Variants in VPS53 observed in about 807,000 individuals in gnomAD.
VPS53 encodes the protein vacuolar protein sorting-associated protein 53 homolog.
A neutral mutation model predicts 107.0 loss-of-function variants in VPS53; 70 were observed. The observed-to-expected ratio is 0.65, with a 90% CI of 0.54 to 0.80. VPS53 has a LOEUF of 0.80. Ranked by LOEUF, VPS53 falls within the 30% of genes least tolerant of loss-of-function variation. The pLI, the probability that VPS53 is intolerant of heterozygous loss-of-function variation, is 0.00. For missense variants in VPS53, 917 were observed against 1,049.4 expected, an observed-to-expected ratio of 0.87 and a Z score of 1.74; for synonymous variants, 409 against 393.3, an observed-to-expected ratio of 1.04 and a Z score of -0.47.
intron 13 of VPS53, among the ~76,000 whole-genome samples, chr17:573,201 G>A (rs960487223): frequency 7.2e-5 from 11 of 152,196 alleles, no homozygotes; most frequent in African/African-American, 2.7e-4. Flanking sequence ...GCCATAGAAT[G>A]GGGTAAAGAA....
chr17:608,323 C>T (rs1597375573), intron 11 of VPS53, among the ~76,000 whole-genome samples: 1 of 152,196 alleles, frequency 6.6e-6, no homozygotes, highest in East Asian at 1.9e-4. Flanking sequence ...AAGAGGGAAG[C>T]TTGAAAAATA....
At chr17:642,484 G>A (rs1228834763) in intron 7 of VPS53, among the ~76,000 whole-genome samples, 1 of 151,390 alleles carries the variant, frequency 6.6e-6, no homozygotes, top group Non-Finnish European at 1.5e-5. Flanking sequence ...TGGAAACCGA[G>A]GACAACACTC....
chr17:519,910 T>G lies in VPS53; in HGVS notation c.2244A>C (p.Glu748Asp). The change falls in exon 21 of 22, where the codon GAA becomes GAC. Residue 748 changes from glutamate (E) to aspartate (D), a missense_variant. Physicochemically the swap from Glu to Asp is conservative, Grantham distance 45. Transcript: ENST00000437048. This position sits in a 1 kb window ranked among gnomAD's most constrained non-coding sequence, Gnocchi z 5.0. Reference sequence around the variant, plus strand: ...AGTTGTCAACAAACACCACCAACGGTTCATGAGGGGCCATCACTACCTACA... The same window carrying G: ...AGTTGTCAACAAACACCACCAACGGGTCATGAGGGGCCATCACTACCTACA... ...MILKVVMAPH[E>D]PLVVFVDNYI... The G allele has an allele frequency of 1.9e-6, 3 of 1,551,504 alleles. No individual in the cohort carries two copies. Among genetic ancestry groups the G allele is most frequent in the Non-Finnish European group, 2.6e-6 (3 of 1,146,926 alleles).
intron 11 of VPS53, among the ~76,000 whole-genome samples, chr17:612,392 ACAG>A (rs5818754): frequency 0.24 from 23,394 of 96,566 alleles, 5,728 homozygotes; most frequent in South Asian, 0.38. Context: ...ACAGATATTC[ACAG>A]CAGTATTCAA....
chr17:649,895 C>T (rs1481342068), intron 7 of VPS53, among the ~76,000 whole-genome samples: 6 of 152,196 alleles, frequency 3.9e-5, no homozygotes, highest in Admixed American at 2.6e-4. Context: ...AATTAAAAAG[C>T]TGGATTTTTA....
intron 12 of VPS53, among the ~76,000 whole-genome samples, chr17:601,260 C>G (rs1352953222): frequency 6.6e-6 from 1 of 152,184 alleles, no homozygotes; most frequent in African/African-American, 2.4e-5. Context: ...TAGACTTGGA[C>G]AGAAAAATCC....
At chr17:611,049 TTCC>T (rs1968847273) in intron 11 of VPS53, among the ~76,000 whole-genome samples, 1 of 152,056 alleles carries the variant, frequency 6.6e-6, no homozygotes, top group Non-Finnish European at 1.5e-5. Flanking sequence ...GAATAGACAT[TTCC>T]TTTTTTTTGA....
chr17:652,379 T>C (rs1051724444), intron 7 of VPS53, among the ~76,000 whole-genome samples: 1 of 152,184 alleles, frequency 6.6e-6, no homozygotes, highest in African/African-American at 2.4e-5. Context: ...TTGACATTCC[T>C]CCCGTTAGTG....
chr17:553,531 T>C lies in VPS53; in HGVS notation c.1705-69A>G. 4.9e-6 allele frequency: 6 copies of C among 1,216,802 alleles called. No homozygotes were observed. The South Asian group carries it at 7.6e-5, about 15-fold the overall frequency. 75.4% of individuals were successfully genotyped at this position (1,216,802 alleles called of 1,614,324 possible). A position where few individuals can be genotyped will look rare whatever the true frequency, so the allele number is the denominator to read the frequency against. On this transcript the variant is annotated intron_variant, in intron 15 of 21. Coordinates refer to ENST00000437048, the MANE Select transcript of VPS53 (RefSeq NM_001128159.3). ...CAAAGAAGTACCATCACAATAATAGTTAACATTTACTGCGTTTGATGATTC... is the reference window on the plus strand; with the variant it reads ...CAAAGAAGTACCATCACAATAATAGCTAACATTTACTGCGTTTGATGATTC...
intron 19 of VPS53, 55 bp from the exon 20 acceptor site, chr17:521,793 T>G: frequency 2.1e-6 from 3 of 1,408,514 alleles, no homozygotes; most frequent in Non-Finnish European, 2.8e-6. Context: ...CAGTGCCGAG[T>G]GGACTCATGC....
chr17:669,021 T>A (rs1971822417), intron 4 of VPS53, among the ~76,000 whole-genome samples: 2 of 152,154 alleles, frequency 1.3e-5, no homozygotes. Context: ...GTACTGAAGT[T>A]GGGGAAATGT....
chr17:690,361 G>A (rs1454630670), intron 4 of VPS53, among the ~76,000 whole-genome samples: 1 of 152,226 alleles, frequency 6.6e-6, no homozygotes, highest in Non-Finnish European at 1.5e-5. Flanking sequence ...GATGTGTTTT[G>A]TTTGCCCTTT....
chr17:573,562 C>G (rs1914357098), intron 13 of VPS53, among the ~76,000 whole-genome samples: 1 of 152,158 alleles, frequency 6.6e-6, no homozygotes, highest in Non-Finnish European at 1.5e-5. Context: ...ACATAGGAGT[C>G]CTGAAAAAGA....
chr17:626,654 G>A (rs891577992), intron 10 of VPS53, among the ~76,000 whole-genome samples: 1 of 152,166 alleles, frequency 6.6e-6, no homozygotes, highest in African/African-American at 2.4e-5. Flanking sequence ...TCCAGCCTGG[G>A]TGACAGAGTG....
chr17:662,751 G>GAGAAAGAAATAAAGAAAGAAAGAAAGAA (rs1971495661), intron 4 of VPS53, among the ~76,000 whole-genome samples: 1 of 79,908 alleles, frequency 1.3e-5, no homozygotes, highest in African/African-American at 3.3e-5. Flanking sequence ...GACAAAGAAA[G>GAGAAAGAAATAAAGAAAGAAAGAAAGAA]AGAAAGAAAG....
intron 7 of VPS53, among the ~76,000 whole-genome samples, chr17:652,335 TC>T (rs1379975103): frequency 1.3e-5 from 2 of 152,166 alleles, no homozygotes; most frequent in African/African-American, 4.8e-5. Context: ...CAGCAATCTA[TC>T]CCATCCCACA....
chr17:631,654 C>T (rs778918092), intron 7 of VPS53, 26 bp from the exon 8 acceptor site: 3 of 1,603,532 alleles, frequency 1.9e-6, no homozygotes, highest in South Asian at 2.2e-5. Flanking sequence ...AACATATCAT[C>T]ACCTGGCATC....
At chr17:560,635 A>G (rs2151850367) in intron 14 of VPS53, 62 bp from the exon 15 acceptor site, 1 of 1,572,730 alleles carries the variant, frequency 6.4e-7, no homozygotes, top group East Asian at 2.3e-5. Flanking sequence ...TGAACTGGAA[A>G]CTACATTATT....
At chr17:581,594 C>T (rs1395002242) in intron 13 of VPS53, among the ~76,000 whole-genome samples, 1 of 151,090 alleles carries the variant, frequency 6.6e-6, no homozygotes, top group East Asian at 2.0e-4. Flanking sequence ...TCCCAGAGAA[C>T]TTCCCTCAGA....
Sources: gnomAD v4.1 joint callset for allele counts (sites outside exome capture counted in the v4.1 genomes callset) on GRCh38, gnomAD v4.1.1 for gene constraint, Gnocchi (gnomAD v3.1) non-coding constraint, MANE v1.5 for transcripts, NCBI Gene and HGNC (gene_info 2026-07-23, HGNC 2026-07-21) for gene names.